The following POFUT3 variants were observed in gnomAD, a reference collection of about 807,000 sequenced individuals.
The protein encoded by POFUT3 is GDP-fucose protein O-fucosyltransferase 3.
the POFUT3 span, among the ~76,000 whole-genome samples, chr8:33,462,086 G>A: frequency 1.3e-5 from 2 of 148,276 alleles, no homozygotes; most frequent in Admixed American, 6.8e-5. Context: ...CTTGAACCTG[G>A]GAGGCAGAGG....
the POFUT3 span, among the ~76,000 whole-genome samples, chr8:33,316,405 G>A: frequency 6.6e-6 from 1 of 151,846 alleles, no homozygotes; most frequent in Non-Finnish European, 1.5e-5. Context: ...AGGTCTAGTG[G>A]GTTTTGAAAA....
the POFUT3 span, chr8:33,389,069 C>G: frequency 6.2e-7 from 1 of 1,614,194 alleles, no homozygotes; most frequent in Non-Finnish European, 8.5e-7. Context: ...TTTCCGTTCC[C>G]TGAGAGCTGT....
At chr8:33,451,661 C>CATATATATAT in the POFUT3 span, 1 of 151,100 alleles carries the variant, frequency 6.6e-6, no homozygotes, top group Non-Finnish European at 1.5e-5. Context: ...CATATATATA[C>CATATATATAT]ATATATGTAT....
the POFUT3 span, among the ~76,000 whole-genome samples, chr8:33,395,550 C>T: frequency 6.6e-6 from 1 of 152,082 alleles, no homozygotes; most frequent in Non-Finnish European, 1.5e-5. Flanking sequence ...GAGCCACTTC[C>T]ACCACTCAAT....
chr8:33,391,140 C>A, the POFUT3 span, among the ~76,000 whole-genome samples: 2 of 152,130 alleles, frequency 1.3e-5, no homozygotes, highest in African/African-American at 4.8e-5. Flanking sequence ...CATTTTCTGG[C>A]AGAGCTCATA....
the POFUT3 span, among the ~76,000 whole-genome samples, chr8:33,391,440 C>A: frequency 6.6e-6 from 1 of 152,204 alleles, no homozygotes; most frequent in Admixed American, 6.5e-5. Context: ...TAAAAAAGAA[C>A]ACTCACCCAT....
chr8:33,416,635 C>G, the POFUT3 span, among the ~76,000 whole-genome samples: 1 of 151,966 alleles, frequency 6.6e-6, no homozygotes, highest in Non-Finnish European at 1.5e-5. Flanking sequence ...CACTTGAGGT[C>G]AGGAGTTCAA....
the POFUT3 span, among the ~76,000 whole-genome samples, chr8:33,375,966 A>G: frequency 6.6e-6 from 1 of 151,936 alleles, no homozygotes; most frequent in Non-Finnish European, 1.5e-5. Context: ...ACAGTGAGCC[A>G]AGATCATGCC....
At chr8:33,443,391 C>G in the POFUT3 span, among the ~76,000 whole-genome samples, 1 of 152,202 alleles carries the variant, frequency 6.6e-6, no homozygotes, top group Admixed American at 6.5e-5. Context: ...TTTTCACAGG[C>G]CAGAGCTCAC....
At chr8:33,411,946 C>A in the POFUT3 span, among the ~76,000 whole-genome samples, 1 of 152,184 alleles carries the variant, frequency 6.6e-6, no homozygotes, top group Non-Finnish European at 1.5e-5. Context: ...ACTGTACTTG[C>A]CCAGGGGTTC....
At chr8:33,446,428 G>A in the POFUT3 span, among the ~76,000 whole-genome samples, 2 of 148,308 alleles carry the variant, frequency 1.3e-5, no homozygotes, top group South Asian at 4.2e-4. Context: ...CTGCACTCCA[G>A]CCTGGGTGAC....
chr8:33,362,484 A>G, the POFUT3 span, among the ~76,000 whole-genome samples: 1 of 152,124 alleles, frequency 6.6e-6, no homozygotes, highest in African/African-American at 2.4e-5. Flanking sequence ...CAAATTGGAT[A>G]GAGTCAAGAC....
the POFUT3 span, among the ~76,000 whole-genome samples, chr8:33,323,238 C>T: frequency 2.0e-5 from 3 of 152,090 alleles, no homozygotes; most frequent in South Asian, 2.1e-4. Flanking sequence ...CTTGATGATG[C>T]GGACAGTATG....
At chr8:33,407,315 A>C in the POFUT3 span, among the ~76,000 whole-genome samples, 9 of 152,214 alleles carry the variant, frequency 5.9e-5, no homozygotes, top group African/African-American at 2.2e-4. Context: ...CTTCTAATTC[A>C]GCTGAAAAAC....
At chr8:33,373,638 A>G in the POFUT3 span, among the ~76,000 whole-genome samples, 1 of 152,026 alleles carries the variant, frequency 6.6e-6, no homozygotes, top group East Asian at 1.9e-4. Flanking sequence ...TCAGGATTTG[A>G]CCTTCCAATA....
chr8:33,411,766 C>A, the POFUT3 span, among the ~76,000 whole-genome samples: 111 of 151,178 alleles, frequency 7.3e-4, no homozygotes, highest in African/African-American at 2.6e-3. Context: ...CCGGCCTGGG[C>A]AAAAAGAGTG....
the POFUT3 span, among the ~76,000 whole-genome samples, chr8:33,379,838 A>G: frequency 6.6e-4 from 16 of 24,166 alleles, no homozygotes; most frequent in African/African-American, 1.4e-3. Flanking sequence ...TCTGTCTAAA[A>G]AAAAAAAAAT....
At chr8:33,415,724 C>T in the POFUT3 span, among the ~76,000 whole-genome samples, 41 of 152,254 alleles carry the variant, frequency 2.7e-4, no homozygotes, top group South Asian at 6.2e-4. Context: ...AGGACCTATC[C>T]CCATCAGCTC....
the POFUT3 span, among the ~76,000 whole-genome samples, chr8:33,379,993 A>ATATATATATAC: frequency 4.2e-5 from 3 of 71,366 alleles, no homozygotes; most frequent in African/African-American, 2.4e-4. Context: ...TATATATAGT[A>ATATATATATAC]TATATATATA....
Sources: gnomAD v4.1 joint callset for allele counts (sites outside exome capture counted in the v4.1 genomes callset) on GRCh38, gnomAD v4.1.1 for gene constraint, MANE v1.5 for transcripts, NCBI Gene and HGNC (gene_info 2026-07-23, HGNC 2026-07-21) for gene names.